The following CEP350 variants were observed in gnomAD, a reference collection of about 807,000 sequenced individuals.
CEP350 encodes the protein centrosomal protein 350, also known as centrosome-associated protein 350.
CEP350 carries 126 observed loss-of-function variants against 331.8 expected under a neutral mutation model. That is an observed-to-expected ratio of 0.38 (90% CI 0.33 to 0.44). The LOEUF is 0.44. Ranked by LOEUF, CEP350 falls within the 20% of genes least tolerant of loss-of-function variation. The probability of loss-of-function intolerance (pLI) is 1.00; values close to 1 mark genes in which losing one functional copy is unlikely to be tolerated. For missense variants in CEP350, 3,406 were observed against 3,634.6 expected, an observed-to-expected ratio of 0.94 and a Z score of 1.62; for synonymous variants, 1,200 against 1,259.5, an observed-to-expected ratio of 0.95 and a Z score of 1.00.
intron 8 of CEP350, among the ~76,000 whole-genome samples, chr1:180,007,703 G>T (rs929073469): frequency 4.6e-5 from 7 of 152,100 alleles, no homozygotes; most frequent in Admixed American, 3.9e-4. Flanking sequence ...GAATGGTATT[G>T]CCTAGGTTTT....
chr1:180,093,686 C>G lies in CEP350; in HGVS notation c.7581C>G (p.Ala2527=), dbSNP rs781220580. 2.5e-6 allele frequency: 4 copies of G among 1,613,792 alleles called. No individual in the cohort carries two copies. The highest frequency in any genetic ancestry group is 3.4e-6 in the Non-Finnish European group (4 of 1,179,804). The part of the protein sequence containing the change: ...GETSFAKGFW[A]GVELDKPEGN... ...CTAGTTTTGCTAAAGGATTTTGGGC[C>G]GGAGTGGAGTTAGATAAACCTGAAG... Residue 2527 remains alanine, a synonymous_variant, in exon 34 of 38, where the codon GCC becomes GCG. Coordinates refer to ENST00000367607, the MANE Select transcript of CEP350 (RefSeq NM_014810.5).
chr1:180,015,210 G>GTTCA lies in CEP350; in HGVS notation c.2053-637_2053-636insCATT, dbSNP rs1314877066. The stretch of plus-strand genomic sequence containing the variant: ...TGTGCACCACCATGCCTAGGAAATT[G>GTTCA]TTTATTTATTTATTTATTTATTTAT... On this transcript the variant is annotated intron_variant, in intron 10 of 37. Coordinates refer to ENST00000367607, the MANE Select transcript of CEP350 (RefSeq NM_014810.5). Among the ~76,000 whole-genome samples, 249 of 143,568 alleles carry GTTCA rather than the reference G, an allele frequency of 1.7e-3. 1 individual carries two copies. Among genetic ancestry groups the GTTCA allele is most frequent in the African/African-American group, 6.0e-3 (228 of 38,022 alleles). The allele number at this position is 143,568 out of a possible 152,430, so 94.2% of individuals were successfully genotyped here.
In CEP350 at chr1:180,061,186, CATTGATTG is replaced by C. The variant is rs145891471; in HGVS notation, c.5263-1012_5263-1005del. The stretch of plus-strand genomic sequence containing the variant: ...TTATTATGCTTTATTGATAAGAAAA[CATTGATTG>C]ATTGATTGATTGATTGATTGAGACA... On this transcript the variant is annotated intron_variant, in intron 25 of 37. Transcript: ENST00000367607. Among the ~76,000 whole-genome samples the C allele has an allele frequency of 2.3e-3, 341 of 150,546 alleles. 1 individual carries two copies. Among genetic ancestry groups the C allele is most frequent in the African/African-American group, 6.9e-3 (282 of 41,072 alleles).
At chr1:180,019,249 T>C (rs1277397274) in intron 11 of CEP350, among the ~76,000 whole-genome samples, 1 of 152,212 alleles carries the variant, frequency 6.6e-6, no homozygotes, top group Non-Finnish European at 1.5e-5. Context: ...TCTGGAAATA[T>C]AGGTAAATAC....
intron 27 of CEP350, among the ~76,000 whole-genome samples, chr1:180,071,545 G>A: frequency 6.6e-6 from 1 of 151,848 alleles, no homozygotes; most frequent in Non-Finnish European, 1.5e-5. Flanking sequence ...GGGAGGCCAA[G>A]GCAGATGGAT....
At chr1:180,048,984 C>A (rs1325156820) in intron 22 of CEP350, among the ~76,000 whole-genome samples, 2 of 152,116 alleles carry the variant, frequency 1.3e-5, no homozygotes. Context: ...GGGAGGATCA[C>A]TTTAGCCTAG....
Position 180,011,995 on chromosome 1 carries a change from G to A in CEP350, c.1313G>A (p.Gly438Glu). The A allele has an allele frequency of 6.3e-7, 1 of 1,592,442 alleles. No homozygotes were observed. Among genetic ancestry groups the A allele is most frequent in the Non-Finnish European group, 8.6e-7 (1 of 1,168,208 alleles). The part of the protein sequence containing the change: ...DGQKLVKKIL[G>E]PAPRMEPKEQ... ...CAAAAATTAGTAAAGAAGATTCTGG[G>A]ACCTGCTCCCAGAATGGAGCCAAAA... The change falls in exon 9 of 38, where the codon GGA (glycine) becomes GAA (glutamate). Residue 438 changes from glycine (G) to glutamate (E), a missense_variant. Coordinates refer to ENST00000367607, the MANE Select transcript of CEP350 (RefSeq NM_014810.5).
chr1:179,998,871 A>G (rs1257212636), intron 6 of CEP350, among the ~76,000 whole-genome samples: 1 of 149,904 alleles, frequency 6.7e-6, no homozygotes, highest in Non-Finnish European at 1.5e-5. Context: ...TTTGCATTTC[A>G]TTCTAGCTAA....
chr1:179,987,259 G>T lies in CEP350; in HGVS notation c.93G>T (p.Trp31Cys). 1 of 1,563,156 alleles carries T rather than the reference G, an allele frequency of 6.4e-7. No homozygotes were observed. Among genetic ancestry groups the T allele is most frequent in the Non-Finnish European group, 8.8e-7 (1 of 1,141,348 alleles). Residue 31 changes from tryptophan to cysteine, a missense_variant, in exon 3 of 38, where the codon TGG (tryptophan) becomes TGT (cysteine). This residue lies in a region of CEP350 where 1,857 missense variants were observed against 1,909.2 expected (regional missense o/e 0.97). Transcript: ENST00000367607. ...TCCCAGCAGATATAACCACATCGTG[G>T]GATGCACTTTCTCAAACCAAGGCTG... ...DTVQADITTS[W>C]DALSQTKAAL...
chr1:179,977,904 A>C (rs1651989222), intron 1 of CEP350, among the ~76,000 whole-genome samples: 1 of 151,202 alleles, frequency 6.6e-6, no homozygotes, highest in African/African-American at 2.4e-5. Flanking sequence ...GTTCAATTTA[A>C]ATTTTTATGT....
intron 6 of CEP350, among the ~76,000 whole-genome samples, chr1:180,002,261 G>A (rs1172007936): frequency 6.6e-6 from 1 of 152,146 alleles, no homozygotes; most frequent in Non-Finnish European, 1.5e-5. Flanking sequence ...ATCACTTGAG[G>A]TCAGGAGTTT....
At position 180,093,309 on chromosome 1, in the gene CEP350, T is replaced by G. The variant is rs1660301409; in HGVS notation, c.7204T>G (p.Leu2402Val). The change falls in exon 34 of 38, where the codon TTG (leucine) becomes GTG (valine). Residue 2402 changes from leucine to valine, a missense_variant. Coordinates refer to ENST00000367607, the MANE Select transcript of CEP350 (RefSeq NM_014810.5). ...CAAAGATGATTTTGAGGTGTCATCT[T>G]TGCTGTCACTCAGGAAAGACTCTCA... ...LYKDDFEVSS[L>V]LSLRKDSQSC... 1 of 1,598,046 alleles carries G rather than the reference T, an allele frequency of 6.3e-7. No homozygotes were observed. Among genetic ancestry groups the G allele is most frequent in the African/African-American group, 1.3e-5 (1 of 74,776 alleles).
rs191572248 is a variant in CEP350, at chr1:180,065,762, C to A, written c.5567+490C>A. 4.6e-3 allele frequency among the ~76,000 whole-genome samples: 693 copies of A among 150,216 alleles called. 29 individuals carry two copies. The East Asian group carries it at 0.049, about 11-fold the overall frequency. Reference sequence around the variant, plus strand: ...GACAGAGCTAGACCCTGTCCCCCCCCAAAAAAAAAGTATCTGCACATGTAC... The same window carrying A: ...GACAGAGCTAGACCCTGTCCCCCCCAAAAAAAAAAGTATCTGCACATGTAC... On this transcript the variant is annotated intron_variant, in intron 27 of 37. Coordinates refer to ENST00000367607, the MANE Select transcript of CEP350 (RefSeq NM_014810.5).
chr1:180,034,450 C>T (rs190572940), intron 16 of CEP350, among the ~76,000 whole-genome samples: 1 of 148,582 alleles, frequency 6.7e-6, no homozygotes, highest in Non-Finnish European at 1.5e-5. Context: ...TTGCATTTCA[C>T]AGATACTGCG....
chr1:180,026,058 CG>C (rs142921747), intron 14 of CEP350, among the ~76,000 whole-genome samples: 4,566 of 152,038 alleles, frequency 0.03, 119 homozygotes, highest in South Asian at 0.071. Context: ...TTAGAGATAA[CG>C]GATGTTAACA....
chr1:180,027,867 A>C (rs1655781992), intron 14 of CEP350, among the ~76,000 whole-genome samples: 2 of 152,184 alleles, frequency 1.3e-5, no homozygotes, highest in South Asian at 4.1e-4. Context: ...TAATGGGGCA[A>C]ATAATATGCC....
In CEP350 at chr1:180,114,025, T is replaced by C. The variant is rs947050000; in HGVS notation, c.*2864T>C. On this transcript the variant is annotated 3_prime_UTR_variant, in exon 38 of 38. Coordinates refer to ENST00000367607, the MANE Select transcript of CEP350 (RefSeq NM_014810.5). ...TACCATAGGGAAAAGTGGGGAGAGC[T>C]CAAACGTAGTTAATAAGGAAGGTAA... The C allele has an allele frequency of 6.6e-6, 1 of 152,606 alleles. No homozygotes were observed. The highest frequency in any genetic ancestry group is 1.5e-5 in the Non-Finnish European group (1 of 68,028). The allele number at this position is 152,606 out of a possible 1,614,324, so 9.5% of individuals were successfully genotyped here.
chr1:180,050,837 T>C (rs1393328877), intron 22 of CEP350, among the ~76,000 whole-genome samples: 1 of 152,038 alleles, frequency 6.6e-6, no homozygotes, highest in Non-Finnish European at 1.5e-5. Context: ...GAAATTAAAA[T>C]TAAAATTACA....
In CEP350 at chr1:180,096,038, G is replaced by A. The variant is rs1359709912; in HGVS notation, c.8920G>A (p.Ala2974Thr). Reference protein sequence around the residue: ...ESTSKRVYKQAVFDLTKEIFE... With the variant: ...ESTSKRVYKQTVFDLTKEIFE... ...TTTTGTTTTGTTTTTCTCTATCAAG[G>A]CGGTTTTTGATTTAACAAAAGAGAT... is the stretch of plus-strand genomic sequence containing the variant. Residue 2974 changes from alanine (A) to threonine (T), a missense_variant and splice_region_variant, in exon 36 of 38, where the codon GCG (alanine) becomes ACG (threonine). By Grantham distance (58) the Ala-to-Thr change is moderately conservative (BLOSUM62 0). This residue lies in a region of CEP350 where 1,415 missense variants were observed against 1,512.3 expected (regional missense o/e 0.94). Coordinates refer to ENST00000367607, the MANE Select transcript of CEP350 (RefSeq NM_014810.5). The A allele has an allele frequency of 6.4e-7, 1 of 1,550,832 alleles. No homozygotes were observed. Among genetic ancestry groups the A allele is most frequent in the Non-Finnish European group, 8.7e-7 (1 of 1,147,224 alleles).
Sources: gnomAD v4.1 joint callset for allele counts (sites outside exome capture counted in the v4.1 genomes callset) on GRCh38, gnomAD v4.1.1 for gene constraint, gnomAD v4.1.1 regional missense constraint, MANE v1.5 for transcripts, NCBI Gene and HGNC (gene_info 2026-07-23, HGNC 2026-07-21) for gene names.